MPP7: variants seen among roughly 807,000 people sequenced by gnomAD.
MPP7 encodes the protein MAGUK p55 subfamily member 7.
MPP7 carries 60 observed loss-of-function variants against 76.5 expected under a neutral mutation model. The observed-to-expected ratio is 0.78, with a 90% CI of 0.64 to 0.97. The LOEUF (loss-of-function observed/expected upper bound fraction) is 0.97, where lower values mean the gene tolerates loss of function less well. Ranked by LOEUF, MPP7 falls within the 50% of genes least tolerant of loss-of-function variation. The pLI, the probability that MPP7 is intolerant of heterozygous loss-of-function variation, is 0.00. For missense variants in MPP7, 641 were observed against 694.0 expected (o/e 0.92, Z 0.86); for synonymous variants, 237 against 244.5 (o/e 0.97, Z 0.29).
At chr10:28,102,895 C>T (rs1853891363) in intron 11 of MPP7, among the ~76,000 whole-genome samples, 1 of 152,206 alleles carries the variant, frequency 6.6e-6, no homozygotes, top group African/African-American at 2.4e-5. Flanking sequence ...GCCAGCGTGA[C>T]CCTTACACAC....
intron 2 of MPP7, among the ~76,000 whole-genome samples, chr10:28,311,790 ACT>A (rs1364330031): frequency 3.3e-5 from 5 of 151,994 alleles, no homozygotes; most frequent in African/African-American, 1.2e-4. Flanking sequence ...ACACACAAAC[ACT>A]GAGATTCTCA....
At chr10:28,163,804 C>T (rs141213646) in intron 3 of MPP7, among the ~76,000 whole-genome samples, 331 of 150,732 alleles carry the variant, frequency 2.2e-3, no homozygotes, top group African/African-American at 7.8e-3. Flanking sequence ...AAAAATTAGC[C>T]GGGCGTGATG....
chr10:28,120,465 G>T, intron 9 of MPP7, 75 bp from the exon 10 acceptor site: 1 of 1,484,468 alleles, frequency 6.7e-7, no homozygotes, highest in South Asian at 1.2e-5. Flanking sequence ...TCCTAACTCC[G>T]ACTCCAAACA....
chr10:28,260,887 T>C (rs1223628795), intron 1 of MPP7, among the ~76,000 whole-genome samples: 1 of 151,820 alleles, frequency 6.6e-6, no homozygotes, highest in Non-Finnish European at 1.5e-5. Flanking sequence ...TCAGTGTGAG[T>C]TGATTTATTT....
chr10:28,184,388 T>C (rs1229404758), intron 3 of MPP7, among the ~76,000 whole-genome samples: 1 of 148,430 alleles, frequency 6.7e-6, no homozygotes, highest in Non-Finnish European at 1.5e-5. Flanking sequence ...CAAGATATTA[T>C]TAATATATTA....
chr10:28,190,223 T>C (rs1356219853), intron 3 of MPP7, among the ~76,000 whole-genome samples: 2 of 152,132 alleles, frequency 1.3e-5, no homozygotes, highest in East Asian at 3.8e-4. Flanking sequence ...ACTATTATAC[T>C]TGGAACTTCA....
chr10:28,074,594 T>C (rs2133382135), intron 12 of MPP7, among the ~76,000 whole-genome samples: 1 of 152,180 alleles, frequency 6.6e-6, no homozygotes, highest in Admixed American at 6.6e-5. Flanking sequence ...ACAATGCCCA[T>C]TCTAAAGCAG....
intron 2 of MPP7, among the ~76,000 whole-genome samples, chr10:28,227,271 T>C (rs1447463453): frequency 6.6e-6 from 1 of 152,212 alleles, no homozygotes; most frequent in Non-Finnish European, 1.5e-5. Context: ...AGAGAACAGC[T>C]TGAGGTCAAC....
intron 11 of MPP7, among the ~76,000 whole-genome samples, chr10:28,105,586 C>T (rs1834298158): frequency 6.6e-6 from 1 of 152,210 alleles, no homozygotes; most frequent in Non-Finnish European, 1.5e-5. Flanking sequence ...CAGTTCACCG[C>T]AATCTCCGCC....
chr10:28,264,261 A>G (rs919726479), intron 1 of MPP7, among the ~76,000 whole-genome samples: 1 of 152,192 alleles, frequency 6.6e-6, no homozygotes, highest in African/African-American at 2.4e-5. Context: ...ACTGCACTAC[A>G]GACTGGGTGA....
chr10:28,059,575 T>A, intron 14 of MPP7, 75 bp downstream of exon 14: 1 of 833,684 alleles, frequency 1.2e-6, no homozygotes, highest in Non-Finnish European at 2.0e-6. Flanking sequence ...TGGAGAACTC[T>A]CAGTTGTCTA....
chr10:28,185,391 T>C (rs1837202809), intron 3 of MPP7, among the ~76,000 whole-genome samples: 1 of 152,110 alleles, frequency 6.6e-6, no homozygotes. Context: ...GGGTGGGACA[T>C]GAGTTTCTGG....
chr10:28,280,133 T>C (rs1328512796), intron 1 of MPP7: 1 of 152,082 alleles, frequency 6.6e-6, no homozygotes, highest in Admixed American at 6.5e-5. Flanking sequence ...CTGCCAAGAC[T>C]GCTATACCTA....
At chr10:28,109,848 C>CAAAAAAAAAAAAAAAAAAAAAAAAAAAA (rs869206744) in intron 11 of MPP7, among the ~76,000 whole-genome samples, 2 of 19,212 alleles carry the variant, frequency 1.0e-4, no homozygotes, top group African/African-American at 2.5e-4. Flanking sequence ...GCCGCAGACG[C>CAAAAAAAAAAAAAAAAAAAAAAAAAAAA]AAAAAAAAAA....
At chr10:28,321,897 G>T (rs1834371731) in intron 2 of MPP7, among the ~76,000 whole-genome samples, 2 of 151,700 alleles carry the variant, frequency 1.3e-5, no homozygotes, top group South Asian at 2.1e-4. Context: ...AATTTTTAGA[G>T]AATTTATTTA....
chr10:28,262,383 A>C (rs1210769251), intron 1 of MPP7, among the ~76,000 whole-genome samples: 1 of 148,482 alleles, frequency 6.7e-6, no homozygotes, highest in African/African-American at 2.5e-5. Context: ...GGTGTGAGCC[A>C]CCATGCCCAG....
intron 2 of MPP7, among the ~76,000 whole-genome samples, chr10:28,230,897 T>C (rs889159272): frequency 2.6e-5 from 4 of 152,150 alleles, no homozygotes; most frequent in African/African-American, 9.7e-5. Context: ...TTTTTAAAAA[T>C]ACTTCTCTTG....
rs1836209851 is a variant in MPP7, at chr10:28,160,116, A to G, written c.157-10057T>C. Among the ~76,000 whole-genome samples the G allele has an allele frequency of 1.1e-4, 16 of 149,192 alleles. No homozygotes were observed. In the South Asian group the frequency reaches 3.4e-3, roughly 32 times the overall value. ...GACAGGCAAACTTTGATCATTAGAA[A>G]AAAAAAAAAAAAGTCTTCCAAACAC... On this transcript the variant is annotated intron_variant, in intron 3 of 16. Coordinates refer to ENST00000683449, the MANE Select transcript of MPP7 (RefSeq NM_001318170.2).
chr10:28,137,630 T>C (rs1835389903), intron 5 of MPP7, among the ~76,000 whole-genome samples: 1 of 152,240 alleles, frequency 6.6e-6, no homozygotes, highest in Non-Finnish European at 1.5e-5. Context: ...TTTACAAATA[T>C]TGTTGGATAG....
Sources: gnomAD v4.1 joint callset for allele counts (sites outside exome capture counted in the v4.1 genomes callset) on GRCh38, gnomAD v4.1.1 for gene constraint, MANE v1.5 for transcripts, NCBI Gene and HGNC (gene_info 2026-07-23, HGNC 2026-07-21) for gene names.